Variants in PRKRA observed in about 807,000 individuals in gnomAD.
The protein encoded by PRKRA is protein activator of interferon induced protein kinase EIF2AK2.
Under a neutral mutation model 32.4 loss-of-function variants are expected in PRKRA, and 22 were observed. The ratio of observed to expected loss-of-function variants is 0.68; its 90% CI spans 0.49 to 0.97. PRKRA has a LOEUF of 0.97. PRKRA is among the 50% of genes least tolerant of loss of function. The probability of loss-of-function intolerance (pLI) is 0.00; values close to 1 mark genes in which losing one functional copy is unlikely to be tolerated. For missense variants in PRKRA, 319 were observed against 375.6 expected, an observed-to-expected ratio of 0.85 and a Z score of 1.25; for synonymous variants, 139 against 129.8, an observed-to-expected ratio of 1.07 and a Z score of -0.48.
At chr2:178,445,358 GT>G (rs536663881) in intron 3 of PRKRA, 5 of 150,420 alleles carry the variant, frequency 3.3e-5, no homozygotes, top group African/African-American at 4.9e-5. Flanking sequence ...CTTCCTCAAG[GT>G]TTTTTTTTTC....
rs2154125145 is a variant in PRKRA at position 178,443,263 on chromosome 2, G to GTGCCCCCT, written c.514+3_514+4insAGGGGGCA. 2.7e-6 allele frequency: 2 copies of GTGCCCCCT among 735,778 alleles called. No homozygotes were observed. Among genetic ancestry groups the GTGCCCCCT allele is most frequent in the East Asian group, 1.1e-4 (2 of 18,382 alleles). 45.6% of individuals were successfully genotyped at this position (735,778 alleles called of 1,614,324 possible). A position where few individuals can be genotyped will look rare whatever the true frequency, so the allele number is the denominator to read the frequency against. On this transcript the variant is annotated splice_donor_region_variant and intron_variant, in intron 5 of 7. Transcript: ENST00000325748. ...AAATGCCTTTAATTGTAAGAAATAA[G>GTGCCCCCT]TACCAGTTTCCATAAATGACTCTAG...
At chr2:178,441,821 A>T (rs1238948644) in intron 5 of PRKRA, 117 bp from the exon 6 acceptor site, 1 of 716,712 alleles carries the variant, frequency 1.4e-6, no homozygotes, top group East Asian at 3.6e-5. Context: ...ATTATATACT[A>T]GACTATGTTC....
chr2:178,441,725 G>A (rs996427974), intron 5 of PRKRA, 21 bp from the exon 6 acceptor site: 2 of 742,078 alleles, frequency 2.7e-6, no homozygotes, highest in African/African-American at 2.0e-5. Flanking sequence ...AAAAAGAAAT[G>A]GTAGATTTAG....
chr2:178,444,523 A>G (rs1272491525), intron 3 of PRKRA, 23 bp from the exon 4 acceptor site: 18 of 1,499,510 alleles, frequency 1.2e-5, no homozygotes, highest in South Asian at 4.5e-5. Context: ...TAAAAGTGTT[A>G]TAAAACAAAA....
At chr2:178,445,103 C>T (rs1337720654) in intron 3 of PRKRA, among the ~76,000 whole-genome samples, 1 of 152,200 alleles carries the variant, frequency 6.6e-6, no homozygotes, top group African/African-American at 2.4e-5. Context: ...ATCATCTGCT[C>T]AGTGCTGGGA....
chr2:178,444,938 A>G (rs1260100902), intron 3 of PRKRA, among the ~76,000 whole-genome samples: 3 of 152,226 alleles, frequency 2.0e-5, no homozygotes, highest in Non-Finnish European at 4.4e-5. Context: ...GGCATGCCAT[A>G]AAAATGTATT....
intron 6 of PRKRA, among the ~76,000 whole-genome samples, chr2:178,436,527 T>C (rs1219653933): frequency 1.3e-5 from 2 of 152,194 alleles, no homozygotes; most frequent in African/African-American, 4.8e-5. Flanking sequence ...TAAGAAGCAC[T>C]TGCAATAATA....
chr2:178,447,654 C>G, intron 2 of PRKRA, 68 bp from the exon 3 acceptor site: 1 of 1,270,582 alleles, frequency 7.9e-7, no homozygotes, highest in Admixed American at 2.5e-5. Flanking sequence ...AAGATGTTTT[C>G]AATACACAAA....
Position 178,436,218 on chromosome 2 carries a change from T to G in PRKRA, c.711A>C (p.Pro237=). 1 of 1,612,906 alleles carries G rather than the reference T, an allele frequency of 6.2e-7. No individual in the cohort carries two copies. The highest frequency in any genetic ancestry group is 8.5e-7 in the Non-Finnish European group (1 of 1,178,916). The change falls in exon 7 of 8, where the codon CCA becomes CCC. Residue 237 remains proline (P), a synonymous_variant. Transcript: ENST00000325748. ...NLLKRSLLSI[P]NTDYIQLLSE... is the part of the protein sequence containing the mutation. ...TAAGCAGCTGGATGTAATCTGTATT[T>G]GGAATACTAAGGAGGCTTCTTTTCA...
rs1274544165 is a variant in PRKRA at position 178,450,223 on chromosome 2, G to A, written c.235+19C>T. 1.1e-5 allele frequency: 9 copies of A among 790,830 alleles called. No homozygotes were observed. The Middle Eastern group carries it at 9.1e-4, about 80-fold the overall frequency. The allele number at this position is 790,830 out of a possible 1,614,324, so 49.0% of individuals were successfully genotyped here. On this transcript the variant is annotated intron_variant, in intron 2 of 7. Coordinates refer to ENST00000325748, the MANE Select transcript of PRKRA (RefSeq NM_003690.5). Reference sequence around the variant, plus strand: ...ACTGCCAACCCACTCGGTCATCCAGGTTAACTGTGTATACAGACCTGTGCA... The same window carrying A: ...ACTGCCAACCCACTCGGTCATCCAGATTAACTGTGTATACAGACCTGTGCA...
intron 3 of PRKRA, among the ~76,000 whole-genome samples, chr2:178,446,917 C>T (rs1312299055): frequency 1.4e-5 from 2 of 139,676 alleles, no homozygotes; most frequent in East Asian, 2.3e-4. Flanking sequence ...GGCGTGAACC[C>T]GGGAGGCGGA....
intron 6 of PRKRA, 93 bp downstream of exon 6, chr2:178,441,517 T>G: frequency 1.3e-6 from 1 of 774,846 alleles, no homozygotes; most frequent in South Asian, 1.8e-5. Flanking sequence ...AAATCACAAC[T>G]CTGAAGTAGC....
At position 178,447,736 on chromosome 2, in the gene PRKRA, A is replaced by C. The variant is rs941976707; in HGVS notation, c.236-150T>G. On this transcript the variant is annotated intron_variant, in intron 2 of 7. Coordinates refer to ENST00000325748, the MANE Select transcript of PRKRA (RefSeq NM_003690.5). Reference sequence around the variant, plus strand: ...ATGTACGTTATATACTGTACATAAAAATATGTACATGTTATATACTACATG... The same window carrying C: ...ATGTACGTTATATACTGTACATAAACATATGTACATGTTATATACTACATG... 9 of 809,046 alleles carry C rather than the reference A, an allele frequency of 1.1e-5. No homozygotes were observed. The African/African-American group carries it at 1.6e-4, about 14-fold the overall frequency. The allele number at this position is 809,046 out of a possible 1,614,324, so 50.1% of individuals were successfully genotyped here.
chr2:178,437,580 T>C (rs1696950540), intron 6 of PRKRA, among the ~76,000 whole-genome samples: 1 of 152,240 alleles, frequency 6.6e-6, no homozygotes, highest in African/African-American at 2.4e-5. Context: ...TGTAGAATTA[T>C]TTCTAGAAGT....
chr2:178,445,959 T>A (rs901346050), intron 3 of PRKRA: 1 of 152,268 alleles, frequency 6.6e-6, no homozygotes, highest in Non-Finnish European at 1.5e-5. Context: ...CTCGAACTCC[T>A]GACTCAAGTG....
At chr2:178,448,438 A>G (rs933024768) in intron 2 of PRKRA, among the ~76,000 whole-genome samples, 4 of 152,202 alleles carry the variant, frequency 2.6e-5, no homozygotes, top group African/African-American at 7.2e-5. Context: ...AAGAGCCAAC[A>G]GAGTAGTGTG....
intron 6 of PRKRA, among the ~76,000 whole-genome samples, chr2:178,437,516 A>G (rs1365912741): frequency 1.3e-5 from 2 of 152,184 alleles, no homozygotes; most frequent in African/African-American, 4.8e-5. Context: ...GGTTGTTTCT[A>G]GTTTCTTGCT....
At chr2:178,433,169 T>C (rs905174781) in intron 7 of PRKRA, among the ~76,000 whole-genome samples, 4 of 152,210 alleles carry the variant, frequency 2.6e-5, no homozygotes, top group African/African-American at 9.7e-5. Flanking sequence ...GGCTCATCCA[T>C]GTTGTAGAAT....
chr2:178,450,852 C>T, intron 1 of PRKRA, 114 bp downstream of exon 1: 1 of 1,303,712 alleles, frequency 7.7e-7, no homozygotes, highest in Non-Finnish European at 9.8e-7. Context: ...GCCGCGGAGG[C>T]GTGGGCGCCG....
Sources: allele counts gnomAD v4.1 joint callset (sites outside exome capture counted in the v4.1 genomes callset), GRCh38; gene constraint gnomAD v4.1.1; transcripts MANE v1.5; gene names NCBI Gene and HGNC (gene_info 2026-07-23, HGNC 2026-07-21).